Variants in BORA observed in about 807,000 individuals in gnomAD.
The protein encoded by BORA is BORA aurora kinase A activator.
Under a neutral mutation model 55.8 loss-of-function variants are expected in BORA, and 26 were observed. The ratio of observed to expected loss-of-function variants is 0.47; its 90% confidence interval spans 0.34 to 0.65. The LOEUF (loss-of-function observed/expected upper bound fraction) is 0.65, where lower values mean the gene tolerates loss of function less well. BORA is among the 30% of genes least tolerant of loss of function. The probability of loss-of-function intolerance (pLI) is 0.01; values close to 1 mark genes in which losing one functional copy is unlikely to be tolerated. For synonymous variants in BORA, 201 were observed against 216.9 expected (o/e 0.93, Z 0.64); for missense variants, 568 against 671.5 (o/e 0.85, Z 1.70).
intron 4 of BORA, among the ~76,000 whole-genome samples, chr13:72,737,236 G>C (rs1034216210): frequency 2.6e-5 from 4 of 152,122 alleles, no homozygotes; most frequent in Non-Finnish European, 5.9e-5. Flanking sequence ...GTCGTGGAAG[G>C]AGTACGATTT....
In BORA at chr13:72,746,626, A is replaced by C. The variant is rs201840170; in HGVS notation, c.997A>C (p.Met333Leu). The C allele has an allele frequency of 6.2e-7, 1 of 1,614,156 alleles. No homozygotes were observed. Among genetic ancestry groups the C allele is most frequent in the Non-Finnish European group, 8.5e-7 (1 of 1,180,010 alleles). The part of the protein sequence containing the change: ...GCSPIKNWSP[M>L]RLQMYSGGTQ... ...CTCGCCAATTAAAAATTGGTCTCCTATGAGACTTCAGATGTATAGTGGTGG... is the reference window on the plus strand; with the variant it reads ...CTCGCCAATTAAAAATTGGTCTCCTCTGAGACTTCAGATGTATAGTGGTGG... The change falls in exon 10 of 12, where the codon ATG becomes CTG. Residue 333 changes from methionine (M) to leucine (L), a missense_variant. Met to Leu is a conservative substitution (Grantham distance 15, BLOSUM62 2). Transcript: ENST00000390667.
Sources: gnomAD v4.1 joint callset for allele counts (sites outside exome capture counted in the v4.1 genomes callset) on GRCh38, gnomAD v4.1.1 for gene constraint, MANE v1.5 for transcripts, NCBI Gene and HGNC (gene_info 2026-07-23, HGNC 2026-07-21) for gene names.